Variants in NPAS3 observed in about 807,000 individuals in gnomAD.
NPAS3 encodes neuronal PAS domain-containing protein 3.
Under a neutral mutation model 73.1 loss-of-function variants are expected in NPAS3, and 14 were observed. The observed-to-expected ratio is 0.19, with a 90% CI of 0.13 to 0.30. NPAS3 has a LOEUF of 0.30. Ranked by LOEUF, NPAS3 falls within the 10% of genes least tolerant of loss-of-function variation. NPAS3 has a pLI of 1.00. For missense variants in NPAS3, 1,096 were observed against 1,250.0 expected, an observed-to-expected ratio of 0.88 and a Z score of 1.86; for synonymous variants, 620 against 541.5, an observed-to-expected ratio of 1.14 and a Z score of -2.01.
At chr14:33,799,884 G>A (rs779310871) in exon 12 of NPAS3, 5 of 1,614,198 alleles carry the variant, frequency 3.1e-6, no homozygotes, top group South Asian at 1.1e-5. Flanking sequence ...CCGGACAGCC[G>A]CGACAGCGAC....
At chr14:32,995,098 G>A (rs2038511351) in intron 1 of NPAS3, among the ~76,000 whole-genome samples, 1 of 152,188 alleles carries the variant, frequency 6.6e-6, no homozygotes, top group Non-Finnish European at 1.5e-5. Context: ...CTGAAGCTGG[G>A]CAGCTCAGCA....
At chr14:33,466,675 C>T (rs1206544349) in intron 4 of NPAS3, among the ~76,000 whole-genome samples, 2 of 152,088 alleles carry the variant, frequency 1.3e-5, no homozygotes, top group Admixed American at 1.3e-4. Context: ...AATTTACAAT[C>T]GTGGTGGAAG....
In NPAS3 at chr14:32,949,915, A is replaced by G. The variant is rs192843819; in HGVS notation, c.50+10549A>G. On this transcript the variant is annotated intron_variant, in intron 1 of 11. Coordinates refer to ENST00000356141, the Ensembl canonical transcript of NPAS3. ...ATGCATAGATGTCTTACATTCTAGA[A>G]TGTTTTAAAGGATTGTTTTCTTTGA... 3.3e-5 allele frequency among the ~76,000 whole-genome samples: 5 copies of G among 152,134 alleles called. No homozygotes were observed. The East Asian group carries it at 9.6e-4, about 29-fold the overall frequency.
intron 3 of NPAS3, among the ~76,000 whole-genome samples, chr14:33,227,268 A>G (rs1041872087): frequency 1.3e-5 from 2 of 152,112 alleles, no homozygotes; most frequent in African/African-American, 4.8e-5. Context: ...AGCCTCTGCT[A>G]TGTTGTGATT....
At chr14:33,476,337 T>TCATG (rs1460727380) in intron 4 of NPAS3, among the ~76,000 whole-genome samples, 1 of 152,218 alleles carries the variant, frequency 6.6e-6, no homozygotes, top group Non-Finnish European at 1.5e-5. Context: ...CTGCTATCCT[T>TCATG]CATGCTTTTA....
At chr14:33,305,770 G>A (rs1429347010) in intron 3 of NPAS3, among the ~76,000 whole-genome samples, 1 of 152,028 alleles carries the variant, frequency 6.6e-6, no homozygotes, top group East Asian at 1.9e-4. Context: ...GCACCAGTGA[G>A]TTATATTATT....
At chr14:33,664,989 C>T (rs1057406529) in intron 5 of NPAS3, among the ~76,000 whole-genome samples, 1 of 152,304 alleles carries the variant, frequency 6.6e-6, no homozygotes, top group East Asian at 1.9e-4. Flanking sequence ...CCATTTGACC[C>T]AGCCATCCCA....
At chr14:33,141,041 T>TA (rs1198936200) in intron 2 of NPAS3, among the ~76,000 whole-genome samples, 1 of 152,242 alleles carries the variant, frequency 6.6e-6, no homozygotes, top group Non-Finnish European at 1.5e-5. Flanking sequence ...CAGTTTGTTG[T>TA]ATGTGGGATG....
At chr14:33,664,711 C>T (rs1445090563) in intron 5 of NPAS3, among the ~76,000 whole-genome samples, 1 of 152,176 alleles carries the variant, frequency 6.6e-6, no homozygotes, top group African/African-American at 2.4e-5. Flanking sequence ...TATAAACAGA[C>T]AGTTCTCAAA....
intron 6 of NPAS3, among the ~76,000 whole-genome samples, chr14:33,730,261 C>T (rs1488560471): frequency 1.3e-5 from 2 of 152,140 alleles, no homozygotes; most frequent in Non-Finnish European, 2.9e-5. Flanking sequence ...ATATTGGCAA[C>T]CTCATGACCT....
At chr14:33,240,169 C>A (rs965580558) in intron 3 of NPAS3, among the ~76,000 whole-genome samples, 3 of 151,812 alleles carry the variant, frequency 2.0e-5, no homozygotes, top group African/African-American at 7.2e-5. Flanking sequence ...TAATCTTTTG[C>A]AATATATAAG....
chr14:33,600,967 C>G (rs2057383304), intron 5 of NPAS3, among the ~76,000 whole-genome samples: 1 of 152,038 alleles, frequency 6.6e-6, no homozygotes, highest in African/African-American at 2.4e-5. Flanking sequence ...CTGGGGTAAG[C>G]AGACATTTTT....
At chr14:32,992,206 G>A (rs1409964803) in intron 1 of NPAS3, among the ~76,000 whole-genome samples, 1 of 152,024 alleles carries the variant, frequency 6.6e-6, no homozygotes, top group Admixed American at 6.6e-5. Context: ...GTAGGGAAGG[G>A]CACATCCCAC....
intron 3 of NPAS3, among the ~76,000 whole-genome samples, chr14:33,231,915 C>G (rs1021107634): frequency 5.3e-5 from 8 of 152,130 alleles, no homozygotes; most frequent in African/African-American, 1.7e-4. Context: ...TCATACTAGC[C>G]TCTGTGCAAA....
intron 1 of NPAS3, among the ~76,000 whole-genome samples, chr14:33,029,759 G>A (rs1351701151): frequency 6.6e-6 from 1 of 152,176 alleles, no homozygotes; most frequent in South Asian, 2.1e-4. Context: ...TAACAGTGGT[G>A]TGAAAATACT....
chr14:33,395,613 T>C (rs2047188594), intron 4 of NPAS3, among the ~76,000 whole-genome samples: 1 of 152,126 alleles, frequency 6.6e-6, no homozygotes, highest in Non-Finnish European at 1.5e-5. Flanking sequence ...AGATAGATAA[T>C]TCATGTTTAT....
chr14:33,209,124 A>G (rs1005550805), intron 2 of NPAS3, among the ~76,000 whole-genome samples: 1 of 152,136 alleles, frequency 6.6e-6, no homozygotes, highest in Non-Finnish European at 1.5e-5. Context: ...CTTAAAGAAG[A>G]TTTCTGAAAT....
chr14:33,212,168 G>T (rs2047064739), intron 2 of NPAS3, among the ~76,000 whole-genome samples: 1 of 152,192 alleles, frequency 6.6e-6, no homozygotes, highest in Non-Finnish European at 1.5e-5. Flanking sequence ...GAGTGTCATT[G>T]TCTTAAGGTC....
intron 4 of NPAS3, among the ~76,000 whole-genome samples, chr14:33,404,927 C>A (rs1166160197): frequency 6.6e-6 from 1 of 152,038 alleles, no homozygotes; most frequent in Non-Finnish European, 1.5e-5. Context: ...TCATTGTTGT[C>A]TGTTTGTCCC....
Sources: gnomAD v4.1 joint callset for allele counts (sites outside exome capture counted in the v4.1 genomes callset) on GRCh38, gnomAD v4.1.1 for gene constraint, MANE v1.5 for transcripts, NCBI Gene and HGNC (gene_info 2026-07-23, HGNC 2026-07-21) for gene names.